KCNJ4: variants seen among roughly 807,000 people sequenced by gnomAD.
KCNJ4 encodes inward rectifier potassium channel 4.
In KCNJ4, 3 loss-of-function variants were observed where a neutral mutation model predicts 25.6. The observed-to-expected ratio is 0.12, with a 90% CI of 0.05 to 0.30. KCNJ4 has a LOEUF of 0.30. KCNJ4 is among the 10% of genes least tolerant of loss of function. The pLI is 1.00. For synonymous variants in KCNJ4, 257 were observed against 283.9 expected (o/e 0.91, Z 0.95); for missense variants, 286 against 666.8 (o/e 0.43, Z 6.29).
At chr22:38,429,090 A>G (rs2093041499) in intron 1 of KCNJ4, among the ~76,000 whole-genome samples, 1 of 143,618 alleles carries the variant, frequency 7.0e-6, no homozygotes, top group African/African-American at 2.8e-5. Context: ...TGTCAAAAAA[A>G]AAAAAAAAAA....
intron 1 of KCNJ4, among the ~76,000 whole-genome samples, chr22:38,435,670 G>A (rs1287619759): frequency 1.3e-5 from 2 of 151,132 alleles, no homozygotes; most frequent in African/African-American, 2.4e-5. Flanking sequence ...TCCAGTCTGG[G>A]CAACAGAGCG....
intron 1 of KCNJ4, among the ~76,000 whole-genome samples, chr22:38,446,995 T>C (rs1050620654): frequency 1.3e-5 from 2 of 150,332 alleles, no homozygotes; most frequent in Non-Finnish European, 2.9e-5. Flanking sequence ...CGCCCACCCT[T>C]ACGGGGCAGG....
In KCNJ4 at chr22:38,426,733, G is replaced by T; in HGVS notation, c.*62C>A. On this transcript the variant is annotated 3_prime_UTR_variant, in exon 2 of 2. Transcript: ENST00000303592. ...CTCTGTCCTGAGTGTGGGAGGGGGT[G>T]TCCTGGCATCCCACCCCCGGCAGAG... 6.5e-7 allele frequency: 1 copy of T among 1,543,480 alleles called. No homozygotes were observed. Among genetic ancestry groups the T allele is most frequent in the Admixed American group, 1.9e-5 (1 of 52,674 alleles).
intron 1 of KCNJ4, among the ~76,000 whole-genome samples, chr22:38,448,151 C>A (rs1362893130): frequency 6.6e-6 from 1 of 150,602 alleles, no homozygotes; most frequent in East Asian, 1.9e-4. Flanking sequence ...AAGGCTGAGG[C>A]AGGAGAATCG....
At chr22:38,439,474 G>A (rs1460317136) in intron 1 of KCNJ4, among the ~76,000 whole-genome samples, 1 of 151,192 alleles carries the variant, frequency 6.6e-6, no homozygotes, top group African/African-American at 2.4e-5. Context: ...CTACCACCAG[G>A]CTTAAGAAAT....
At chr22:38,453,728 C>A (rs1362160819) in intron 1 of KCNJ4, among the ~76,000 whole-genome samples, 1 of 152,174 alleles carries the variant, frequency 6.6e-6, no homozygotes, top group Non-Finnish European at 1.5e-5. Flanking sequence ...GCTCTCCCAG[C>A]CACCTGAGCT....
rs1439910341 is a variant in KCNJ4, at chr22:38,428,202, C to G, written c.-39-31G>C. ...GAGGAGAAGCCGGACAGGTGAGATG[C>G]TGGGGAGCGAGGGGCTCCCTCGGGG... On this transcript the variant is annotated intron_variant, in intron 1 of 1. Transcript: ENST00000303592. 8 of 1,534,446 alleles carry G rather than the reference C, an allele frequency of 5.2e-6. No individual in the cohort carries two copies. The African/African-American group carries it at 9.6e-5, about 18-fold the overall frequency.
In KCNJ4 at chr22:38,440,149, C is replaced by A. The variant is rs372234655; in HGVS notation, c.-39-11978G>T. Among the ~76,000 whole-genome samples, 9 of 152,086 alleles carry A rather than the reference C, an allele frequency of 5.9e-5. No homozygotes were observed. The East Asian group carries it at 1.6e-3, about 26-fold the overall frequency. ...TCCTAGCCAGGTGTATTGGCTCATG[C>A]CTGTAATTCCAACACTTTGGGAGGC... is the stretch of plus-strand genomic sequence containing the variant. On this transcript the variant is annotated intron_variant, in intron 1 of 1. Transcript: ENST00000303592.
intron 1 of KCNJ4, among the ~76,000 whole-genome samples, chr22:38,442,954 G>A (rs78388515): frequency 0.017 from 2,530 of 152,122 alleles, 85 homozygotes; most frequent in East Asian, 0.13. Flanking sequence ...TGTTACCCAG[G>A]CTGATCTTAA....
chr22:38,441,662 C>T (rs1429255982), intron 1 of KCNJ4, among the ~76,000 whole-genome samples: 1 of 152,140 alleles, frequency 6.6e-6, no homozygotes, highest in Non-Finnish European at 1.5e-5. Context: ...GGCGTGGGAG[C>T]AGGGAGGAGT....
At chr22:38,435,199 C>T (rs2267384) in intron 1 of KCNJ4, among the ~76,000 whole-genome samples, 1 of 152,032 alleles carries the variant, frequency 6.6e-6, no homozygotes, top group Non-Finnish European at 1.5e-5. Context: ...AGTCAGGTGA[C>T]AGATGGGGGG....
chr22:38,436,564 A>G (rs2093066075), intron 1 of KCNJ4, among the ~76,000 whole-genome samples: 1 of 152,152 alleles, frequency 6.6e-6, no homozygotes, highest in Admixed American at 6.6e-5. Flanking sequence ...CGCATGCCAC[A>G]TGGTGGGGGC....
chr22:38,438,312 A>G (rs2089307610), intron 1 of KCNJ4, among the ~76,000 whole-genome samples: 1 of 151,250 alleles, frequency 6.6e-6, no homozygotes, highest in Non-Finnish European at 1.5e-5. Context: ...AGGCAGGAGA[A>G]TTGCTTGAAC....
chr22:38,429,881 T>C (rs1189397401), intron 1 of KCNJ4, among the ~76,000 whole-genome samples: 2 of 152,214 alleles, frequency 1.3e-5, no homozygotes, highest in Admixed American at 1.3e-4. Context: ...CTGATCTAAT[T>C]GTGCATCTGT....
Position 38,426,565 on chromosome 22 carries a change from GCCA to G in KCNJ4, c.*227_*229del. The G allele has an allele frequency of 1.8e-6, 1 of 541,164 alleles. No homozygotes were observed. Among genetic ancestry groups the G allele is most frequent in the Non-Finnish European group, 3.2e-6 (1 of 308,398 alleles). 33.5% of individuals were successfully genotyped at this position (541,164 alleles called of 1,614,324 possible). ...AGGGTGGTGGATCCGGGGACCTAGA[GCCA>G]CCAGAAGTAGGCGCTGGCGGAACTC... On this transcript the variant is annotated 3_prime_UTR_variant, in exon 2 of 2. Transcript: ENST00000303592.
intron 1 of KCNJ4, among the ~76,000 whole-genome samples, chr22:38,440,478 G>T (rs546791552): frequency 2.0e-4 from 31 of 151,992 alleles, no homozygotes; most frequent in African/African-American, 6.5e-4. Context: ...GGAGGCAGAG[G>T]TTGCAGTGAG....
At chr22:38,440,024 G>A (rs954274371) in intron 1 of KCNJ4, among the ~76,000 whole-genome samples, 3 of 151,052 alleles carry the variant, frequency 2.0e-5, no homozygotes, top group Non-Finnish European at 2.9e-5. Context: ...CTGGGAGACG[G>A]AGCTTGCAGT....
intron 1 of KCNJ4, among the ~76,000 whole-genome samples, chr22:38,440,390 A>G (rs1027104791): frequency 2.6e-5 from 4 of 151,898 alleles, no homozygotes; most frequent in African/African-American, 9.7e-5. Context: ...GAAAATGCAA[A>G]AATTAGCCAG....
chr22:38,454,969 G>C lies in KCNJ4; in HGVS notation c.-40+11C>G, dbSNP rs1044891342. On this transcript the variant is annotated intron_variant, in intron 1 of 1. Transcript: ENST00000303592. ...GACGGACAGCGCCCGGGGTGGGCGA[G>C]CGCGGCTTACCGCTGGGCGGAGGGT... 6.6e-6 allele frequency: 1 copy of C among 151,744 alleles called. No homozygotes were observed. Among genetic ancestry groups the C allele is most frequent in the African/African-American group, 2.4e-5 (1 of 41,378 alleles). The allele number at this position is 151,744 out of a possible 1,614,324, so 9.4% of individuals were successfully genotyped here.
Sources: allele counts gnomAD v4.1 joint callset (sites outside exome capture counted in the v4.1 genomes callset), GRCh38; gene constraint gnomAD v4.1.1; transcripts MANE v1.5; gene names NCBI Gene and HGNC (gene_info 2026-07-23, HGNC 2026-07-21).